Variants in HUNK observed in about 807,000 individuals in gnomAD.
HUNK encodes the protein hormonally up-regulated Neu-associated kinase, also known as hormonally up-regulated neu tumor-associated kinase.
In HUNK, 21 loss-of-function variants were observed where a neutral mutation model predicts 61.0. The ratio of observed to expected loss-of-function variants is 0.34; its 90% CI spans 0.24 to 0.50. HUNK has a LOEUF of 0.50. Ranked by LOEUF, HUNK falls within the 20% of genes least tolerant of loss-of-function variation. The pLI is 0.98. For synonymous variants in HUNK, 371 were observed against 386.1 expected, an observed-to-expected ratio of 0.96 and a Z score of 0.46; for missense variants, 772 against 945.7, an observed-to-expected ratio of 0.82 and a Z score of 2.41.
Position 32,000,233 on chromosome 21 carries a change from C to G in HUNK, c.*1049C>G, listed in dbSNP as rs769681278. 1 of 398,986 alleles carries G rather than the reference C, an allele frequency of 2.5e-6. No individual in the cohort carries two copies. The highest frequency in any genetic ancestry group is 4.4e-6 in the Non-Finnish European group (1 of 226,108). 24.7% of individuals were successfully genotyped at this position (398,986 alleles called of 1,614,324 possible). ...TGCGATGCTGATTTCAAGCTGCCCA[C>G]AGAACTGGTGCGGCTCAGAGCTCGG... On this transcript the variant is annotated 3_prime_UTR_variant, in exon 11 of 11. Transcript: ENST00000270112.
intron 1 of HUNK, among the ~76,000 whole-genome samples, chr21:31,898,559 G>A (rs2052441583): frequency 6.6e-6 from 1 of 152,136 alleles, no homozygotes; most frequent in Non-Finnish European, 1.5e-5. Flanking sequence ...GAGCCACCAC[G>A]CCCGGCCGTG....
At chr21:31,889,687 A>T (rs1438320221) in intron 1 of HUNK, among the ~76,000 whole-genome samples, 1 of 152,228 alleles carries the variant, frequency 6.6e-6, no homozygotes, top group African/African-American at 2.4e-5. Context: ...GGCCAATTTG[A>T]CATAATAAAA....
intron 1 of HUNK, among the ~76,000 whole-genome samples, chr21:31,915,204 A>T (rs13046249): frequency 0.092 from 14,014 of 152,042 alleles, 802 homozygotes; most frequent in Middle Eastern, 0.15. Context: ...CAGGTTAGAG[A>T]TTAGAGATGT....
chr21:31,875,555 C>G (rs967944022), intron 1 of HUNK, among the ~76,000 whole-genome samples: 1 of 152,094 alleles, frequency 6.6e-6, no homozygotes, highest in Non-Finnish European at 1.5e-5. Context: ...GGCACACTTA[C>G]ACTCCTCGAT....
intron 1 of HUNK, among the ~76,000 whole-genome samples, chr21:31,917,730 A>G: frequency 6.7e-6 from 1 of 149,634 alleles, no homozygotes. Flanking sequence ...ACACACACAC[A>G]CACACACACA....
rs117245177 is a variant in HUNK, at chr21:31,990,487, C to T, written c.1305+311C>T. On this transcript the variant is annotated intron_variant, in intron 9 of 10. Transcript: ENST00000270112. ...CACCCACATTATGGAGGATAATCTA[C>T]TTGAAGTCTACTAATTTAAATGTTA... Among the ~76,000 whole-genome samples, 787 of 151,558 alleles carry T rather than the reference C, an allele frequency of 5.2e-3. 5 individuals carry two copies. The highest frequency in any genetic ancestry group is 9.0e-3 in the Non-Finnish European group (609 of 67,924).
In HUNK at chr21:31,924,918, C is replaced by T. The variant is rs372411659; in HGVS notation, c.554+158C>T. On this transcript the variant is annotated intron_variant, in intron 2 of 10. Coordinates refer to ENST00000270112, the MANE Select transcript of HUNK (RefSeq NM_014586.2). This position sits in a 1 kb window ranked among gnomAD's most constrained non-coding sequence, Gnocchi z 5.1. ...TATTTATTTGTTTATTTTTTTGAGA[C>T]GGAGTTTTGTTCTTGTTGCCCAGGC... 1.1e-4 allele frequency among the ~76,000 whole-genome samples: 16 copies of T among 152,098 alleles called. No homozygotes were observed. The highest frequency in any genetic ancestry group is 2.4e-4 in the African/African-American group (10 of 41,488).
intron 1 of HUNK, among the ~76,000 whole-genome samples, chr21:31,891,762 TTG>T (rs895594976): frequency 1.1e-4 from 17 of 152,230 alleles, no homozygotes; most frequent in African/African-American, 4.1e-4. Flanking sequence ...CATGGAAATT[TTG>T]TGTTTTGTCT....
At chr21:31,959,498 G>A (rs2052913053) in intron 5 of HUNK, among the ~76,000 whole-genome samples, 1 of 152,188 alleles carries the variant, frequency 6.6e-6, no homozygotes, top group African/African-American at 2.4e-5. Flanking sequence ...GAATCATCAG[G>A]TGTGTTTGAA....
At position 31,999,855 on chromosome 21, in the gene HUNK, A is replaced by G; in HGVS notation, c.*671A>G. On this transcript the variant is annotated 3_prime_UTR_variant, in exon 11 of 11. Transcript: ENST00000270112. ...TTGTTGTTGTTGAAACATGCTAATG[A>G]TTGAATTATCTTTTCCAAAGATTTT... The G allele has an allele frequency of 4.2e-6, 1 of 235,882 alleles. No homozygotes were observed. Among genetic ancestry groups the G allele is most frequent in the Non-Finnish European group, 7.8e-6 (1 of 128,924 alleles). The allele number at this position is 235,882 out of a possible 1,614,324, so 14.6% of individuals were successfully genotyped here. A position where few individuals can be genotyped will look rare whatever the true frequency, so the allele number is the denominator to read the frequency against.
intron 4 of HUNK, among the ~76,000 whole-genome samples, chr21:31,954,095 C>A (rs2052871334): frequency 6.6e-6 from 1 of 152,160 alleles, no homozygotes; most frequent in Admixed American, 6.5e-5. Flanking sequence ...GGGTCTCCTT[C>A]AAGAAAGAAA....
At position 31,906,036 on chromosome 21, in the gene HUNK, C is replaced by T. The variant is rs562689647; in HGVS notation, c.262-18432C>T. ...TGTCTCTCCCTCCCCTGGGTTTTTG[C>T]ACTGCTGCCCCTGCCATGCACTGGC... is the stretch of plus-strand genomic sequence containing the variant. On this transcript the variant is annotated intron_variant, in intron 1 of 10. Coordinates refer to ENST00000270112, the MANE Select transcript of HUNK (RefSeq NM_014586.2). 3.3e-5 allele frequency among the ~76,000 whole-genome samples: 5 copies of T among 151,994 alleles called. No homozygotes were observed. In the South Asian group the frequency reaches 1.0e-3, roughly 32 times the overall value.
chr21:31,958,124 G>C (rs567867731), intron 4 of HUNK, among the ~76,000 whole-genome samples: 15 of 152,068 alleles, frequency 9.9e-5, no homozygotes, highest in African/African-American at 3.4e-4. Flanking sequence ...ACATTGCTTG[G>C]TCTGGGCCTC....
At chr21:31,982,151 C>T (rs1266265789) in intron 7 of HUNK, among the ~76,000 whole-genome samples, 1 of 152,152 alleles carries the variant, frequency 6.6e-6, no homozygotes, top group Non-Finnish European at 1.5e-5. Flanking sequence ...TTGTCTTATT[C>T]CTGAACAAGT....
chr21:31,890,343 A>G (rs1601361134), intron 1 of HUNK, among the ~76,000 whole-genome samples: 1 of 151,576 alleles, frequency 6.6e-6, no homozygotes, highest in Admixed American at 6.6e-5. Context: ...ATTCTCCTGC[A>G]TCAGGCTTCC....
intron 6 of HUNK, among the ~76,000 whole-genome samples, chr21:31,973,857 T>C (rs1020046853): frequency 1.3e-5 from 2 of 152,182 alleles, no homozygotes; most frequent in African/African-American, 4.8e-5. Flanking sequence ...AATGCGTAGA[T>C]GAATGAAGCC....
intron 2 of HUNK, among the ~76,000 whole-genome samples, chr21:31,939,728 T>TTTTTTAAATTTTTTAAA (rs1246568188): frequency 2.6e-5 from 4 of 151,284 alleles, no homozygotes; most frequent in African/African-American, 9.7e-5. Context: ...TTTTTTTTTT[T>TTTTTTAAATTTTTTAAA]TTTTTTTTAA....
rs1470049873 is a variant in HUNK at position 31,917,691 on chromosome 21, AACATACACACACACACACACAC to A, written c.262-6773_262-6752del. 1.4e-3 allele frequency among the ~76,000 whole-genome samples: 77 copies of A among 54,652 alleles called. 2 individuals are homozygous for A. The highest frequency in any genetic ancestry group is 4.3e-3 in the African/African-American group (73 of 17,076). The allele number at this position is 54,652 out of a possible 152,430, so 35.9% of individuals were successfully genotyped here. A position where few individuals can be genotyped will look rare whatever the true frequency, so the allele number is the denominator to read the frequency against. On this transcript the variant is annotated intron_variant, in intron 1 of 10. Transcript: ENST00000270112. ...TACCCTCCTGAAACTCCCATTCCCA[AACATACACACACACACACACAC>A]ACACACACACACACACACACACACA...
intron 5 of HUNK, among the ~76,000 whole-genome samples, chr21:31,965,854 G>T (rs1225629579): frequency 6.6e-6 from 1 of 151,984 alleles, no homozygotes; most frequent in South Asian, 2.1e-4. Context: ...CACTCACCTC[G>T]TCCTCCCAAA....
Sources: gnomAD v4.1 joint callset for allele counts (sites outside exome capture counted in the v4.1 genomes callset) on GRCh38, gnomAD v4.1.1 for gene constraint, Gnocchi (gnomAD v3.1) non-coding constraint, MANE v1.5 for transcripts, NCBI Gene and HGNC (gene_info 2026-07-23, HGNC 2026-07-21) for gene names.